The following KHDRBS2 variants were observed in gnomAD, a reference collection of about 807,000 sequenced individuals.
The protein encoded by KHDRBS2 is KH domain-containing, RNA-binding, signal transduction-associated protein 2.
Under a neutral mutation model 44.3 loss-of-function variants are expected in KHDRBS2, and 26 were observed. The ratio of observed to expected loss-of-function variants is 0.59; its 90% confidence interval spans 0.43 to 0.81. The LOEUF is 0.81. KHDRBS2 is among the 40% of genes least tolerant of loss of function. The pLI is 0.00. For synonymous variants in KHDRBS2, 194 were observed against 151.1 expected (o/e 1.28, Z -2.08); for missense variants, 476 against 433.1 (o/e 1.10, Z -0.88).
chr6:61,563,617 A>ATATGGATT, the KHDRBS2 span, among the ~76,000 whole-genome samples: 1 of 152,106 alleles, frequency 6.6e-6, no homozygotes, highest in Non-Finnish European at 1.5e-5. Flanking sequence ...AGTCGATGGA[A>ATATGGATT]TATGGATTTA....
intron 3 of KHDRBS2, 150 bp downstream of exon 3, chr6:62,047,728 G>A (rs1788023520): frequency 6.3e-6 from 4 of 637,694 alleles, no homozygotes; most frequent in Non-Finnish European, 1.1e-5. Flanking sequence ...GGAAGAGAGA[G>A]GAGATAGCAG....
At chr6:62,176,061 T>G (rs1441535166) in intron 2 of KHDRBS2, among the ~76,000 whole-genome samples, 2 of 151,450 alleles carry the variant, frequency 1.3e-5, no homozygotes, top group African/African-American at 4.8e-5. Flanking sequence ...AACTGGTTAA[T>G]TGATCAAGTG....
the KHDRBS2 span, among the ~76,000 whole-genome samples, chr6:61,560,496 AT>A: frequency 7.4e-5 from 11 of 148,558 alleles, no homozygotes; most frequent in Non-Finnish European, 1.3e-4. Context: ...ATTCTTTTTC[AT>A]TTTTTTAACT....
At chr6:61,697,162 G>A (rs1555167) in intron 8 of KHDRBS2, 33 bp downstream of exon 8, 11 of 1,398,028 alleles carry the variant, frequency 7.9e-6, no homozygotes, top group African/African-American at 5.7e-5. Flanking sequence ...TGGATGTTCC[G>A]ATTTCACAGT....
At chr6:62,193,944 T>C (rs1260067916) in intron 1 of KHDRBS2, among the ~76,000 whole-genome samples, 8 of 152,142 alleles carry the variant, frequency 5.3e-5, no homozygotes, top group African/African-American at 1.7e-4. Flanking sequence ...TATTACTGAG[T>C]CATAAAAGTT....
rs542693483 is a variant in KHDRBS2 at position 61,974,499 on chromosome 6, T to C, written c.483+3567A>G. Among the ~76,000 whole-genome samples the C allele has an allele frequency of 9.2e-5, 14 of 152,318 alleles. No individual in the cohort carries two copies. The East Asian group carries it at 2.7e-3, about 29-fold the overall frequency. ...CATCAAAAAATTTATTTTACAATTC[T>C]AACCTGTATTTTTAAGATAAATAAT... On this transcript the variant is annotated intron_variant, in intron 4 of 8. Coordinates refer to ENST00000281156, the MANE Select transcript of KHDRBS2 (RefSeq NM_152688.4).
intron 6 of KHDRBS2, among the ~76,000 whole-genome samples, chr6:61,785,186 AACAG>A (rs1382236879): frequency 1.3e-5 from 2 of 151,894 alleles, no homozygotes; most frequent in East Asian, 1.9e-4. Flanking sequence ...AACAAAAAAA[AACAG>A]ACAATCAAAG....
chr6:62,273,205 A>C (rs9454804), intron 1 of KHDRBS2, among the ~76,000 whole-genome samples: 32,863 of 151,978 alleles, frequency 0.22, 4,698 homozygotes, highest in African/African-American at 0.41. Context: ...AAAATGATGA[A>C]ATATTATCAA....
At chr6:61,760,161 G>T (rs541392738) in intron 6 of KHDRBS2, among the ~76,000 whole-genome samples, 1 of 152,100 alleles carries the variant, frequency 6.6e-6, no homozygotes, top group Non-Finnish European at 1.5e-5. Flanking sequence ...CTAAACATCC[G>T]GAAGACATTT....
Position 62,019,524 on chromosome 6 carries a change from T to G in KHDRBS2, c.336+28354A>C, listed in dbSNP as rs371565446. Among the ~76,000 whole-genome samples, 70 of 152,210 alleles carry G rather than the reference T, an allele frequency of 4.6e-4. 1 individual carries two copies. The East Asian group carries it at 0.011, about 25-fold the overall frequency. Reference sequence around the variant, plus strand: ...TGGTATATCTTGTGTAGAATTGGTATTATATCTTCCTTAATTGGCTGGTAG... The same window carrying G: ...TGGTATATCTTGTGTAGAATTGGTAGTATATCTTCCTTAATTGGCTGGTAG... On this transcript the variant is annotated intron_variant, in intron 3 of 8. Transcript: ENST00000281156.
At chr6:61,899,071 T>G (rs200003066) in intron 5 of KHDRBS2, among the ~76,000 whole-genome samples, 1 of 152,000 alleles carries the variant, frequency 6.6e-6, no homozygotes, top group East Asian at 1.9e-4. Flanking sequence ...CATTGATTTG[T>G]AAGGGAGAAA....
At chr6:61,796,659 G>GA (rs572560175) in intron 6 of KHDRBS2, among the ~76,000 whole-genome samples, 3 of 151,900 alleles carry the variant, frequency 2.0e-5, no homozygotes, top group Non-Finnish European at 4.4e-5. Flanking sequence ...TAAAAAATTT[G>GA]AAAAAAGTAT....
chr6:62,136,265 G>A (rs1811503458), intron 2 of KHDRBS2, among the ~76,000 whole-genome samples: 1 of 152,074 alleles, frequency 6.6e-6, no homozygotes, highest in Admixed American at 6.5e-5. Context: ...TTGGTCCACA[G>A]GCCACAGTTT....
the KHDRBS2 span, among the ~76,000 whole-genome samples, chr6:61,619,706 G>A: frequency 1.3e-4 from 20 of 151,850 alleles, no homozygotes; most frequent in East Asian, 3.3e-3. Flanking sequence ...CACCTGCCTC[G>A]GCCTCCCAAA....
chr6:62,105,396 C>A (rs561704013), intron 2 of KHDRBS2, among the ~76,000 whole-genome samples: 1 of 152,176 alleles, frequency 6.6e-6, no homozygotes, highest in Non-Finnish European at 1.5e-5. Flanking sequence ...AGTTGTGAAT[C>A]CATCTGGTCC....
At chr6:62,239,078 C>T (rs1313207332) in intron 1 of KHDRBS2, among the ~76,000 whole-genome samples, 1 of 152,066 alleles carries the variant, frequency 6.6e-6, no homozygotes, top group Non-Finnish European at 1.5e-5. Flanking sequence ...TTGTTTCAAA[C>T]CTGATTTTTA....
intron 1 of KHDRBS2, among the ~76,000 whole-genome samples, chr6:62,258,620 T>C (rs1258536140): frequency 1.3e-5 from 2 of 151,996 alleles, no homozygotes; most frequent in African/African-American, 2.4e-5. Context: ...TATTAAAACA[T>C]ATAAAATAAC....
chr6:62,169,914 G>C (rs181472896), intron 2 of KHDRBS2, among the ~76,000 whole-genome samples: 76 of 151,720 alleles, frequency 5.0e-4, no homozygotes, highest in African/African-American at 1.7e-3. Context: ...ACCAGACAAA[G>C]CTTGAGGCCA....
At chr6:62,016,203 A>G (rs1330933478) in intron 3 of KHDRBS2, among the ~76,000 whole-genome samples, 1 of 152,072 alleles carries the variant, frequency 6.6e-6, no homozygotes, top group African/African-American at 2.4e-5. Flanking sequence ...CCCAGGATAT[A>G]TTTAATAGTA....
Sources: gnomAD v4.1 joint callset for allele counts (sites outside exome capture counted in the v4.1 genomes callset) on GRCh38, gnomAD v4.1.1 for gene constraint, MANE v1.5 for transcripts, NCBI Gene and HGNC (gene_info 2026-07-23, HGNC 2026-07-21) for gene names.